The following PLS3 variants were observed in gnomAD, a reference collection of about 807,000 sequenced individuals.
PLS3 encodes plastin-3.
In PLS3, 11 loss-of-function variants were observed where a neutral mutation model predicts 46.5. That is an observed-to-expected ratio of 0.24 (90% CI 0.15 to 0.39). The LOEUF is 0.39. PLS3 is among the 10% of genes least tolerant of loss of function. PLS3 has a pLI of 1.00. For missense variants in PLS3, 308 were observed against 461.8 expected (o/e 0.67, Z 3.05); for synonymous variants, 167 against 162.2 (o/e 1.03, Z -0.22).
At chrX:115,599,770 C>CT (rs1482789880) in intron 1 of PLS3, among the ~76,000 whole-genome samples, 2 of 108,182 alleles carry the variant, frequency 1.8e-5, no homozygotes, top group African/African-American at 6.7e-5. Flanking sequence ...GTAGCTGGGA[C>CT]TACAGGCACG....
intron 8 of PLS3, among the ~76,000 whole-genome samples, chrX:115,638,573 G>C (rs1005645956): frequency 1.8e-5 from 2 of 111,799 alleles, no homozygotes; most frequent in East Asian, 2.8e-4. Flanking sequence ...TCATGCACTA[G>C]ATGCGTTCCT....
chrX:115,593,335 G>GA (rs782142506), intron 1 of PLS3, among the ~76,000 whole-genome samples: 250 of 98,308 alleles, frequency 2.5e-3, no homozygotes, highest in African/African-American at 3.3e-3. Flanking sequence ...TGATTTTGGG[G>GA]AAAAAAAAAA....
In PLS3 at chrX:115,642,347, T is replaced by C. The variant is rs148351192; in HGVS notation, c.988-966T>C. ...TTGCCTTCCACCATTCTCCCTACGC[T>C]CAAAAGAAATCAGTGGAAATAGATT... On this transcript the variant is annotated intron_variant, in intron 9 of 15. Coordinates refer to ENST00000355899, the MANE Select transcript of PLS3 (RefSeq NM_005032.7). Among the ~76,000 whole-genome samples the C allele has an allele frequency of 2.7e-3, 297 of 111,486 alleles. 2 individuals are homozygous for C. Among genetic ancestry groups the C allele is most frequent in the Middle Eastern group, 4.7e-3 (1 of 214 alleles).
At chrX:115,594,622 C>CCTCT (rs1323997837) in intron 1 of PLS3, among the ~76,000 whole-genome samples, 1 of 99,080 alleles carries the variant, frequency 1.0e-5, no homozygotes. Context: ...TCTTGCCTAG[C>CCTCT]CTCTCTCTCT....
chrX:115,575,672 T>C (rs2074244168), intron 1 of PLS3, among the ~76,000 whole-genome samples: 1 of 111,649 alleles, frequency 9.0e-6, no homozygotes, highest in Non-Finnish European at 1.9e-5. Context: ...CTCAATCTCC[T>C]GACCTCGTGA....
intron 9 of PLS3, among the ~76,000 whole-genome samples, chrX:115,641,708 C>A (rs1019441607): frequency 1.8e-5 from 2 of 111,169 alleles, no homozygotes; most frequent in Non-Finnish European, 3.8e-5. Context: ...GATCTGATAC[C>A]AGGGTAAATG....
intron 2 of PLS3, 83 bp from the exon 3 acceptor site, chrX:115,622,163 C>A: frequency 1.3e-6 from 1 of 761,126 alleles, no homozygotes; most frequent in Non-Finnish European, 2.0e-6. Flanking sequence ...AGCTTATGAA[C>A]TGAACCTCAA....
Position 115,610,302 on chromosome X carries a change from A to C in PLS3, c.52A>C (p.Lys18Gln), listed in dbSNP as rs2074535814. ...QISKDELDEL[K>Q]EAFAKVDLNS... ...TTCCAAAGATGAGCTTGATGAACTC[A>C]AAGAGGCCTTTGCAAAAGTTGGTGA... Residue 18 changes from lysine to glutamine, a missense_variant, in exon 2 of 16, where the codon AAA becomes CAA. Physicochemically the swap from Lys to Gln is moderately conservative, Grantham distance 53. Around this residue, in one of 2 missense-constraint regions of PLS3, gnomAD observed 37 missense variants for 26.1 expected, o/e 1.42. Transcript: ENST00000355899. 2 of 1,149,856 alleles carry C rather than the reference A, an allele frequency of 1.7e-6. No homozygotes were observed. The highest frequency in any genetic ancestry group is 6.1e-5 in the East Asian group (2 of 32,870). 94.8% of individuals were successfully genotyped at this position (1,149,856 alleles called of 1,213,427 possible). A position where few individuals can be genotyped will look rare whatever the true frequency, so the allele number is the denominator to read the frequency against.
chrX:115,600,515 A>G (rs920715854), intron 1 of PLS3, among the ~76,000 whole-genome samples: 1 of 112,278 alleles, frequency 8.9e-6, no homozygotes, highest in African/African-American at 3.2e-5. Flanking sequence ...CTCCAGAAAC[A>G]AACAATCATG....
chrX:115,621,683 TTTC>T (rs1556637621), intron 2 of PLS3, among the ~76,000 whole-genome samples: 1 of 112,031 alleles, frequency 8.9e-6, no homozygotes, highest in Non-Finnish European at 1.9e-5. Flanking sequence ...AAATATCTGC[TTTC>T]CTCAGTAGTG....
At position 115,649,575 on chromosome X, in the gene PLS3, A is replaced by G; in HGVS notation, c.*14A>G. The G allele has an allele frequency of 1.7e-6, 2 of 1,197,663 alleles. No homozygotes were observed. The highest frequency in any genetic ancestry group is 3.7e-5 in the South Asian group (2 of 54,788). ...AAGAGAGTGTAAAATAACCAATCTGAATAAAACAGCCATGCTCCCAGGTGC... is the reference window on the plus strand; with the variant it reads ...AAGAGAGTGTAAAATAACCAATCTGGATAAAACAGCCATGCTCCCAGGTGC... On this transcript the variant is annotated 3_prime_UTR_variant, in exon 16 of 16. Coordinates refer to ENST00000355899, the MANE Select transcript of PLS3 (RefSeq NM_005032.7).
intron 2 of PLS3, among the ~76,000 whole-genome samples, chrX:115,618,590 G>A (rs1055177830): frequency 9.3e-6 from 1 of 107,520 alleles, no homozygotes; most frequent in African/African-American, 3.4e-5. Flanking sequence ...TGTCTCTAAA[G>A]ATACTTTTTT....
In PLS3 at chrX:115,582,633, G is replaced by T. The variant is rs782200680; in HGVS notation, c.-9+21373G>T. On this transcript the variant is annotated intron_variant, in intron 1 of 15. Coordinates refer to ENST00000355899, the MANE Select transcript of PLS3 (RefSeq NM_005032.7). ...CCAATCTTAAGGATAAATCTACATT[G>T]TGTTCAGGATTCTGTGTTGGGCCAG... Among the ~76,000 whole-genome samples, 113 of 112,482 alleles carry T rather than the reference G, an allele frequency of 1.0e-3. No individual in the cohort carries two copies. The South Asian group carries it at 0.012, about 12-fold the overall frequency.
intron 1 of PLS3, among the ~76,000 whole-genome samples, chrX:115,582,931 C>T (rs1363190827): frequency 9.0e-6 from 1 of 111,342 alleles, no homozygotes; most frequent in Non-Finnish European, 1.9e-5. Flanking sequence ...CCCAGGTACT[C>T]GGGAGGCCGA....
intron 1 of PLS3, among the ~76,000 whole-genome samples, chrX:115,605,441 C>T (rs1170846920): frequency 9.0e-6 from 1 of 111,705 alleles, no homozygotes; most frequent in Non-Finnish European, 1.9e-5. Flanking sequence ...CTAAGCATTT[C>T]TTAATTCATT....
chrX:115,577,369 T>A (rs1332617727), intron 1 of PLS3, among the ~76,000 whole-genome samples: 1 of 111,789 alleles, frequency 8.9e-6, no homozygotes, highest in African/African-American at 3.2e-5. Context: ...AAAACTTCAA[T>A]CCTAAACACT....
chrX:115,625,611 G>A lies in PLS3; in HGVS notation c.237+3202G>A, dbSNP rs187896239. ...CTTTCTTTAAAAAAAAAAAAAAGAAGTTATGTTTTTCAAATATTACTAAGT... is the reference window on the plus strand; with the variant it reads ...CTTTCTTTAAAAAAAAAAAAAAGAAATTATGTTTTTCAAATATTACTAAGT... On this transcript the variant is annotated intron_variant, in intron 3 of 15. Transcript: ENST00000355899. Among the ~76,000 whole-genome samples the A allele has an allele frequency of 3.7e-5, 4 of 108,331 alleles. No individual in the cohort carries two copies. In the Admixed American group the frequency reaches 4.0e-4, roughly 11 times the overall value. 94.1% of individuals were successfully genotyped at this position (108,331 alleles called of 115,157 possible). A position where few individuals can be genotyped will look rare whatever the true frequency, so the allele number is the denominator to read the frequency against.
chrX:115,579,814 C>T (rs1431910922), intron 1 of PLS3, among the ~76,000 whole-genome samples: 2 of 111,275 alleles, frequency 1.8e-5, no homozygotes, highest in Non-Finnish European at 3.8e-5. Flanking sequence ...CTCGCTGCAG[C>T]GTCAACATCC....
intron 2 of PLS3, among the ~76,000 whole-genome samples, chrX:115,618,848 GC>G (rs2074621702): frequency 9.0e-6 from 1 of 111,724 alleles, no homozygotes; most frequent in Admixed American, 9.5e-5. Flanking sequence ...CCAAGATCAT[GC>G]CACTGCACTC....
Sources: gnomAD v4.1 joint callset for allele counts (sites outside exome capture counted in the v4.1 genomes callset) on GRCh38, gnomAD v4.1.1 for gene constraint, gnomAD v4.1.1 regional missense constraint, MANE v1.5 for transcripts, NCBI Gene and HGNC (gene_info 2026-07-23, HGNC 2026-07-21) for gene names.